The following FMN1 variants were observed in gnomAD, a reference collection of about 807,000 sequenced individuals.
The protein encoded by FMN1 is formin-1.
FMN1 carries 110 observed loss-of-function variants against 132.4 expected under a neutral mutation model. That is an observed-to-expected ratio of 0.83 (90% confidence interval 0.71 to 0.97). The LOEUF (loss-of-function observed/expected upper bound fraction) is 0.97, where lower values mean the gene tolerates loss of function less well. Ranked by LOEUF, FMN1 falls within the 50% of genes least tolerant of loss-of-function variation. The pLI is 0.00. For synonymous variants in FMN1, 722 were observed against 651.7 expected (o/e 1.11, Z -1.64); for missense variants, 1,792 against 1,705.3 (o/e 1.05, Z -0.90).
At chr15:32,858,947 G>A (rs186567460) in intron 16 of FMN1, among the ~76,000 whole-genome samples, 1 of 152,286 alleles carries the variant, frequency 6.6e-6, no homozygotes, top group East Asian at 1.9e-4. Flanking sequence ...AGGACACTTT[G>A]CGCTAGAGTA....
chr15:33,132,307 C>T (rs1033438315), intron 4 of FMN1, among the ~76,000 whole-genome samples: 1 of 152,152 alleles, frequency 6.6e-6, no homozygotes, highest in Non-Finnish European at 1.5e-5. Flanking sequence ...TTCTCTATAA[C>T]CACACTTCTC....
At chr15:33,018,602 T>C (rs345834) in intron 6 of FMN1, among the ~76,000 whole-genome samples, 70,580 of 151,844 alleles carry the variant, frequency 0.46, 16,856 homozygotes, top group African/African-American at 0.54. Flanking sequence ...CCCCGTACCT[T>C]GTCCTATGCA....
At chr15:33,078,996 A>C (rs1021113538) in intron 5 of FMN1, among the ~76,000 whole-genome samples, 10 of 152,198 alleles carry the variant, frequency 6.6e-5, no homozygotes, top group Non-Finnish European at 1.5e-5. Flanking sequence ...GGCCAAAAAC[A>C]ATCATGTGAA....
At chr15:32,813,087 G>A (rs777109934) in intron 17 of FMN1, among the ~76,000 whole-genome samples, 2 of 152,020 alleles carry the variant, frequency 1.3e-5, no homozygotes, top group Non-Finnish European at 2.9e-5. Flanking sequence ...TAGTTATATA[G>A]CATTTACATT....
chr15:33,073,729 C>CT (rs1566891772), intron 5 of FMN1, among the ~76,000 whole-genome samples: 1 of 147,472 alleles, frequency 6.8e-6, no homozygotes, highest in Non-Finnish European at 1.5e-5. Flanking sequence ...ATTTACCTAG[C>CT]TTGTTTTTTT....
chr15:33,101,921 A>G (rs757325112), intron 4 of FMN1, among the ~76,000 whole-genome samples: 1 of 152,078 alleles, frequency 6.6e-6, no homozygotes, highest in Admixed American at 6.6e-5. Context: ...TCCATTCCTC[A>G]TAATACACTT....
At chr15:32,902,140 C>G in intron 12 of FMN1, 100 bp from the exon 13 acceptor site, 1 of 955,958 alleles carries the variant, frequency 1.0e-6, no homozygotes, top group Non-Finnish European at 1.5e-6. Context: ...CCTTACCTAA[C>G]AATCTCAACA....
intron 9 of FMN1, among the ~76,000 whole-genome samples, chr15:32,931,469 T>C (rs1435730904): frequency 2.0e-5 from 3 of 152,208 alleles, no homozygotes; most frequent in Admixed American, 1.3e-4. Flanking sequence ...TTAAATGAAA[T>C]TGTTTTCTTA....
chr15:32,898,978 A>C (rs2060227332), intron 14 of FMN1, 85 bp from the exon 15 acceptor site: 1 of 939,858 alleles, frequency 1.1e-6, no homozygotes. Flanking sequence ...CTCAGTTGAG[A>C]AATTTCTAAT....
chr15:33,181,894 G>C (rs565612929), intron 2 of FMN1, among the ~76,000 whole-genome samples: 6 of 151,854 alleles, frequency 4.0e-5, no homozygotes, highest in Non-Finnish European at 5.9e-5. Flanking sequence ...ATTTTTAGTA[G>C]AGACAGGGTT....
At chr15:32,995,065 GTAAT>G (rs1439153657) in intron 7 of FMN1, among the ~76,000 whole-genome samples, 1 of 151,948 alleles carries the variant, frequency 6.6e-6, no homozygotes, top group Non-Finnish European at 1.5e-5. Flanking sequence ...GACTCCTAAA[GTAAT>G]TGTAAAATAC....
intron 19 of FMN1, among the ~76,000 whole-genome samples, chr15:32,785,198 G>GTA (rs2056823124): frequency 3.6e-5 from 1 of 27,556 alleles, no homozygotes; most frequent in African/African-American, 1.3e-4. Flanking sequence ...GTGTGTGTGT[G>GTA]TGTATATATA....
At chr15:33,148,833 A>ATG (rs1371901022) in intron 4 of FMN1, among the ~76,000 whole-genome samples, 1 of 152,088 alleles carries the variant, frequency 6.6e-6, no homozygotes, top group Non-Finnish European at 1.5e-5. Flanking sequence ...CTTTTTGAGC[A>ATG]TGGCTTTTAC....
chr15:33,105,953 C>T (rs1290532861), intron 4 of FMN1: 1 of 152,072 alleles, frequency 6.6e-6, no homozygotes, highest in African/African-American at 2.4e-5. Flanking sequence ...GTCTGCTGCT[C>T]TTTGATGTGT....
chr15:33,102,744 G>A (rs149753132), intron 4 of FMN1, among the ~76,000 whole-genome samples: 1 of 152,090 alleles, frequency 6.6e-6, no homozygotes, highest in Non-Finnish European at 1.5e-5. Context: ...CTAAAGTTGG[G>A]AGACAGATTA....
intron 6 of FMN1, among the ~76,000 whole-genome samples, chr15:33,046,271 A>G (rs937597201): frequency 1.3e-5 from 2 of 152,184 alleles, no homozygotes; most frequent in Non-Finnish European, 2.9e-5. Flanking sequence ...TCTTACAGAA[A>G]TGGCAAAATG....
chr15:32,847,379 C>G (rs1270914601), intron 17 of FMN1, among the ~76,000 whole-genome samples: 2 of 152,136 alleles, frequency 1.3e-5, no homozygotes, highest in African/African-American at 4.8e-5. Context: ...TATCTTACCT[C>G]CAAACCCAAC....
At chr15:33,120,989 G>A (rs1166010777) in intron 4 of FMN1, among the ~76,000 whole-genome samples, 3 of 151,950 alleles carry the variant, frequency 2.0e-5, no homozygotes, top group South Asian at 2.1e-4. Flanking sequence ...ATTGCTTCTT[G>A]ATAGAGGTTT....
intron 16 of FMN1, among the ~76,000 whole-genome samples, chr15:32,870,015 T>C (rs970958759): frequency 6.6e-6 from 1 of 152,170 alleles, no homozygotes; most frequent in Non-Finnish European, 1.5e-5. Context: ...GGGGAAGTCG[T>C]TGGAATTAAG....
Sources: allele counts gnomAD v4.1 joint callset (sites outside exome capture counted in the v4.1 genomes callset), GRCh38; gene constraint gnomAD v4.1.1; transcripts MANE v1.5; gene names NCBI Gene and HGNC (gene_info 2026-07-23, HGNC 2026-07-21).